The following RB1CC1 variants were observed in gnomAD, a reference collection of about 807,000 sequenced individuals.
RB1CC1 encodes RB1 inducible coiled-coil 1.
RB1CC1 carries 46 observed loss-of-function variants against 177.5 expected under a neutral mutation model. The ratio of observed to expected loss-of-function variants is 0.26; its 90% CI spans 0.20 to 0.33. RB1CC1 has a LOEUF of 0.33. RB1CC1 is among the 10% of genes least tolerant of loss of function. The pLI is 1.00. For missense variants in RB1CC1, 1,703 were observed against 1,816.3 expected (o/e 0.94, Z 1.13); for synonymous variants, 666 against 613.6 (o/e 1.09, Z -1.26).
intron 7 of RB1CC1, among the ~76,000 whole-genome samples, chr8:52,669,563 C>T (rs1373090390): frequency 1.3e-5 from 2 of 152,070 alleles, no homozygotes; most frequent in East Asian, 3.9e-4. Flanking sequence ...CTAACACTAC[C>T]GAAAAAATTA....
chr8:52,636,022 A>G lies in RB1CC1; in HGVS notation c.4385T>C (p.Leu1462Ser). 1 of 1,608,034 alleles carries G rather than the reference A, an allele frequency of 6.2e-7. No homozygotes were observed. The highest frequency in any genetic ancestry group is 1.1e-5 in the South Asian group (1 of 90,470). The change falls in exon 19 of 24, where the codon TTA (leucine) becomes TCA (serine). Residue 1462 changes from leucine to serine, a missense_variant. By Grantham distance (145) the Leu-to-Ser change is moderately radical. Around this residue, in one of 6 missense-constraint regions of RB1CC1, gnomAD observed 1,169 missense variants for 1,184.7 expected, o/e 0.99. Coordinates refer to ENST00000025008, the MANE Select transcript of RB1CC1 (RefSeq NM_014781.5). Reference protein sequence around the residue: ...LSEEKQRIMLLERTLQLKEEE... With the variant: ...LSEEKQRIMLSERTLQLKEEE... Reference sequence around the variant, plus strand: ...AGAAGATAATTTACTTACTCGTTCTAACAGCATTATCCGCTGTTTTTCTTC... The same window carrying G: ...AGAAGATAATTTACTTACTCGTTCTGACAGCATTATCCGCTGTTTTTCTTC...
Position 52,658,108 on chromosome 8 carries a change from C to A in RB1CC1, c.1810G>T (p.Asp604Tyr). 6.2e-7 allele frequency: 1 copy of A among 1,612,344 alleles called. No homozygotes were observed. The highest frequency in any genetic ancestry group is 1.1e-5 in the South Asian group (1 of 90,544). The stretch of plus-strand genomic sequence containing the variant: ...ACATGCTGGTGTAGAGGTTCAAAGT[C>A]ACAAAGTAAGGGAACCCTGAAACAG... Reference protein sequence around the residue: ...QPFLRVPLLCDFEPLHQHVLA... With the variant: ...QPFLRVPLLCYFEPLHQHVLA... Residue 604 changes from aspartate (D) to tyrosine (Y), a missense_variant, in exon 14 of 24, where the codon GAC becomes TAC. Physicochemically the swap from Asp to Tyr is radical, Grantham distance 160 (BLOSUM62 -3). Coordinates refer to ENST00000025008, the MANE Select transcript of RB1CC1 (RefSeq NM_014781.5).
rs887105839 is a variant in RB1CC1 at position 52,674,032 on chromosome 8, G to A, written c.815C>T (p.Ala272Val). ...TTCCCTAATTTCTTTGCCACTTTCA[G>A]CATCTGCGGTATCTGGGGACACATG... ...VEHVSPDTAD[A>V]ESGKEIRESC... The change falls in exon 7 of 24, where the codon GCT becomes GTT. Residue 272 changes from alanine to valine, a missense_variant. Around this residue, in one of 6 missense-constraint regions of RB1CC1, gnomAD observed 315 missense variants for 304.9 expected, o/e 1.03. Coordinates refer to ENST00000025008, the MANE Select transcript of RB1CC1 (RefSeq NM_014781.5). 2.5e-6 allele frequency: 4 copies of A among 1,614,024 alleles called. No homozygotes were observed. In the African/African-American group the frequency reaches 5.3e-5, roughly 22 times the overall value.
At chr8:52,661,440 TA>T (rs1851619326) in intron 9 of RB1CC1, 94 bp downstream of exon 9, 3 of 1,458,976 alleles carry the variant, frequency 2.1e-6, no homozygotes, top group African/African-American at 2.9e-5. Context: ...GGTATTTCAA[TA>T]AAATGGTAGG....
intron 15 of RB1CC1, among the ~76,000 whole-genome samples, chr8:52,649,457 T>C (rs189836636): frequency 6.6e-6 from 1 of 152,288 alleles, no homozygotes; most frequent in African/African-American, 2.4e-5. Context: ...ATAAACTAGA[T>C]TGTCTTGATG....
chr8:52,670,991 C>T (rs1203861959), intron 7 of RB1CC1, among the ~76,000 whole-genome samples: 1 of 151,228 alleles, frequency 6.6e-6, no homozygotes, highest in Non-Finnish European at 1.5e-5. Flanking sequence ...CAAGAATACA[C>T]TAAAATCTAA....
intron 1 of RB1CC1, among the ~76,000 whole-genome samples, chr8:52,712,016 A>G (rs1174524000): frequency 3.3e-5 from 5 of 152,222 alleles, no homozygotes; most frequent in South Asian, 2.1e-4. Context: ...CCTGGCCAAC[A>G]TGGTAAAACC....
chr8:52,692,881 CA>C (rs1855027156), intron 1 of RB1CC1, among the ~76,000 whole-genome samples: 2 of 152,138 alleles, frequency 1.3e-5, no homozygotes, highest in Admixed American at 1.3e-4. Flanking sequence ...AGGTTTTCAA[CA>C]GAAAGCAAAG....
chr8:52,657,840 T>A lies in RB1CC1; in HGVS notation c.1989A>T (p.Thr663=), dbSNP rs750961765. The A allele has an allele frequency of 6.2e-7, 1 of 1,613,938 alleles. No homozygotes were observed. Among genetic ancestry groups the A allele is most frequent in the Non-Finnish European group, 8.5e-7 (1 of 1,179,992 alleles). ...SPRMESTAGI[T]TTTSPRTPPP... ...GAGGAGTTCTCGGTGAGGTAGTAGT[T>A]GTAATTCCTGCTGTACTTTCCATCC... The change falls in exon 15 of 24, where the codon ACA becomes ACT. Residue 663 remains threonine (T), a synonymous_variant. Transcript: ENST00000025008.
At chr8:52,692,364 C>G (rs924964358) in intron 1 of RB1CC1, among the ~76,000 whole-genome samples, 1 of 152,006 alleles carries the variant, frequency 6.6e-6, no homozygotes, top group Non-Finnish European at 1.5e-5. Flanking sequence ...TAAAAACAAA[C>G]ATGAAGTTCC....
intron 20 of RB1CC1, among the ~76,000 whole-genome samples, chr8:52,630,823 A>G (rs569802309): frequency 1.4e-4 from 22 of 152,354 alleles, no homozygotes; most frequent in African/African-American, 5.3e-4. Context: ...ATTCTAATGC[A>G]TTAGATTCAA....
At chr8:52,655,463 A>C (rs770966113) in intron 15 of RB1CC1, among the ~76,000 whole-genome samples, 3 of 152,140 alleles carry the variant, frequency 2.0e-5, no homozygotes, top group Non-Finnish European at 2.9e-5. Flanking sequence ...ACATGTAAAA[A>C]CACCACCAAT....
chr8:52,702,103 C>T lies in RB1CC1; in HGVS notation c.-167+11972G>A, dbSNP rs576238442. Among the ~76,000 whole-genome samples the T allele has an allele frequency of 1.7e-4, 26 of 152,224 alleles. 2 individuals are homozygous for T. The South Asian group carries it at 3.7e-3, about 22-fold the overall frequency. On this transcript the variant is annotated intron_variant, in intron 1 of 23. Transcript: ENST00000025008. ...GATTACAGGCGTGAGCCACCTTGCA[C>T]AGCCAAAACTATCTATTTCTATCTT...
At chr8:52,663,996 T>C (rs576822678) in intron 8 of RB1CC1, among the ~76,000 whole-genome samples, 1 of 152,168 alleles carries the variant, frequency 6.6e-6, no homozygotes, top group Non-Finnish European at 1.5e-5. Context: ...AAGTACAGCA[T>C]ACTAAGAGAA....
At chr8:52,648,926 T>C (rs969946362) in intron 15 of RB1CC1, among the ~76,000 whole-genome samples, 3 of 152,196 alleles carry the variant, frequency 2.0e-5, no homozygotes, top group African/African-American at 7.2e-5. Flanking sequence ...TAAAGGTTAC[T>C]TGAACACAAG....
At chr8:52,657,932 A>C (rs944390280) in intron 14 of RB1CC1, 24 bp from the exon 15 acceptor site, 1 of 1,612,710 alleles carries the variant, frequency 6.2e-7, no homozygotes, top group Admixed American at 1.7e-5. Context: ...AGAAAGGCTT[A>C]AAGAGCTGCA....
rs34153328 is a variant in RB1CC1 at position 52,706,143 on chromosome 8, T to TAA, written c.-167+7930_-167+7931dup. ...TTAGAGGGGAAAAACACATATCCAT[T>TAA]AAAAAAAAAAGATGACACCCTATAC... On this transcript the variant is annotated intron_variant, in intron 1 of 23. Coordinates refer to ENST00000025008, the MANE Select transcript of RB1CC1 (RefSeq NM_014781.5). Among the ~76,000 whole-genome samples, 457 of 147,616 alleles carry TAA rather than the reference T, an allele frequency of 3.1e-3. 1 individual carries two copies. Among genetic ancestry groups the TAA allele is most frequent in the Admixed American group, 5.5e-3 (82 of 14,814 alleles).
intron 1 of RB1CC1, among the ~76,000 whole-genome samples, chr8:52,713,503 A>G (rs1412700281): frequency 1.3e-5 from 2 of 151,992 alleles, no homozygotes; most frequent in African/African-American, 2.4e-5. Flanking sequence ...AGTCATTCCT[A>G]GGAGTAACTT....
Position 52,683,724 on chromosome 8 carries a change from AT to A in RB1CC1, c.199-6del, listed in dbSNP as rs752670147. On this transcript the variant is annotated splice_polypyrimidine_tract_variant and splice_region_variant and intron_variant, in intron 4 of 23. Transcript: ENST00000025008. ...AAGAAAAATTGGATTTGTATCCTAT[AT>A]TTTTTAAAAAAGGAGAAATAACCAA... 6 of 1,570,390 alleles carry A rather than the reference AT, an allele frequency of 3.8e-6. No homozygotes were observed. The South Asian group carries it at 7.1e-5, about 18-fold the overall frequency.
Sources: allele counts gnomAD v4.1 joint callset (sites outside exome capture counted in the v4.1 genomes callset), GRCh38; gene constraint gnomAD v4.1.1; regional missense constraint gnomAD v4.1.1; transcripts MANE v1.5; gene names NCBI Gene and HGNC (gene_info 2026-07-23, HGNC 2026-07-21).